Variants in SKI observed in about 807,000 individuals in gnomAD.
SKI encodes the protein SKI proto-oncogene.
Under a neutral mutation model 59.3 loss-of-function variants are expected in SKI, and 23 were observed. The observed-to-expected ratio is 0.39, with a 90% CI of 0.28 to 0.55. The LOEUF (loss-of-function observed/expected upper bound fraction) is 0.55, where lower values mean the gene tolerates loss of function less well. Ranked by LOEUF, SKI falls within the 20% of genes least tolerant of loss-of-function variation. The pLI is 0.67. For missense variants in SKI, 1,017 were observed against 1,038.9 expected (o/e 0.98, Z 0.29); for synonymous variants, 673 against 488.6 (o/e 1.38, Z -4.98).
At chr1:2,276,712 G>A (rs1639751250) in intron 1 of SKI, among the ~76,000 whole-genome samples, 1 of 152,246 alleles carries the variant, frequency 6.6e-6, no homozygotes, top group Non-Finnish European at 1.5e-5. Flanking sequence ...ACCAAGAGGG[G>A]TACAGTGGCC....
intron 1 of SKI, among the ~76,000 whole-genome samples, chr1:2,248,354 T>C (rs1569716070): frequency 6.6e-6 from 1 of 152,182 alleles, no homozygotes; most frequent in African/African-American, 2.4e-5. Context: ...GGACTCAGGG[T>C]GGGTTCTGAG....
intron 1 of SKI, among the ~76,000 whole-genome samples, chr1:2,242,460 C>T (rs906211673): frequency 3.3e-5 from 5 of 152,252 alleles, no homozygotes; most frequent in South Asian, 2.1e-4. Context: ...CTTCTGGCCC[C>T]GCAGGGGAGT....
intron 1 of SKI, among the ~76,000 whole-genome samples, chr1:2,287,523 AGACG>A (rs1640066126): frequency 6.6e-6 from 1 of 151,954 alleles, no homozygotes; most frequent in Admixed American, 6.6e-5. Context: ...TTTTTAGTAG[AGACG>A]GGGTTTCACT....
In SKI at chr1:2,300,154, G is replaced by A. The variant is rs560643678; in HGVS notation, c.970-2824G>A. Among the ~76,000 whole-genome samples the A allele has an allele frequency of 1.1e-4, 17 of 152,360 alleles. No individual in the cohort carries two copies. The South Asian group carries it at 3.3e-3, about 30-fold the overall frequency. On this transcript the variant is annotated intron_variant, in intron 1 of 6. Transcript: ENST00000378536. ...CGTTGCCCGGGTGCCTGCTGGCCAG[G>A]TAGCTTGCCTGGTCATCCTCGGGGT...
chr1:2,229,319 C>G lies in SKI; in HGVS notation c.553C>G (p.Leu185Val). 1.3e-6 allele frequency: 2 copies of G among 1,596,640 alleles called. No individual in the cohort carries two copies. Among genetic ancestry groups the G allele is most frequent in the Non-Finnish European group, 1.7e-6 (2 of 1,172,420 alleles). ...GLITKTDAER[L>V]CNALLYGGAY... ...CATCACCAAGACGGACGCCGAGCGC[C>G]TGTGCAACGCGCTGCTCTACGGCGG... The change falls in exon 1 of 7, where the codon CTG becomes GTG. Residue 185 changes from leucine to valine, a missense_variant. By Grantham distance (32) the Leu-to-Val change is conservative. Transcript: ENST00000378536. The surrounding 1 kb of genome is among the most constrained non-coding windows in gnomAD (Gnocchi z 6.3).
At chr1:2,251,700 T>G (rs1417698682) in intron 1 of SKI, among the ~76,000 whole-genome samples, 2 of 152,202 alleles carry the variant, frequency 1.3e-5, no homozygotes, top group African/African-American at 4.8e-5. Flanking sequence ...TGGAACCCAA[T>G]GTATGTGATA....
intron 1 of SKI, among the ~76,000 whole-genome samples, chr1:2,298,994 G>A (rs1640357494): frequency 6.6e-6 from 1 of 152,230 alleles, no homozygotes; most frequent in African/African-American, 2.4e-5. Context: ...TGAGCCCTGG[G>A]TGGGTGGATG....
Position 2,303,020 on chromosome 1 carries a change from G to A in SKI, c.1012G>A (p.Asp338Asn). ...GGCCTCCATAAGACCCAAAACAGAT[G>A]ACACCTCTTCCCAGTCCCCCGCGCC... ...PPASIRPKTD[D>N]TSSQSPAPSE... Residue 338 changes from aspartate to asparagine, a missense_variant, in exon 2 of 7, where the codon GAC becomes AAC. Coordinates refer to ENST00000378536, the MANE Select transcript of SKI (RefSeq NM_003036.4). This position sits in a 1 kb window ranked among gnomAD's most constrained non-coding sequence, Gnocchi z 5.6. 2.5e-6 allele frequency: 4 copies of A among 1,613,718 alleles called. No homozygotes were observed. Among genetic ancestry groups the A allele is most frequent in the Non-Finnish European group, 3.4e-6 (4 of 1,180,014 alleles).
At chr1:2,240,641 A>G in intron 1 of SKI, 9 of 985,456 alleles carry the variant, frequency 9.1e-6, no homozygotes, top group Non-Finnish European at 1.1e-5. Flanking sequence ...ATACAGCATT[A>G]ACAAGAAAAC....
At chr1:2,253,975 T>C (rs1639221043) in intron 1 of SKI, among the ~76,000 whole-genome samples, 3 of 152,264 alleles carry the variant, frequency 2.0e-5, no homozygotes, top group Admixed American at 1.3e-4. Flanking sequence ...TCCTTCTGGA[T>C]GCCCATCCTG....
Position 2,303,150 on chromosome 1 carries a change from C to T in SKI, c.1095+47C>T. 7 of 1,611,642 alleles carry T rather than the reference C, an allele frequency of 4.3e-6. No individual in the cohort carries two copies. The highest frequency in any genetic ancestry group is 1.1e-5 in the South Asian group (1 of 91,062). ...TCCTTGGGGTGGTGGGTACTGGGCC[C>T]TTCTCCTTGGGCAGACCCAGCGGCT... is the stretch of plus-strand genomic sequence containing the variant. On this transcript the variant is annotated intron_variant, in intron 2 of 6. Transcript: ENST00000378536. The surrounding 1 kb of genome is among the most constrained non-coding windows in gnomAD (Gnocchi z 5.6).
chr1:2,254,784 G>A (rs1181462029), intron 1 of SKI, among the ~76,000 whole-genome samples: 1 of 152,196 alleles, frequency 6.6e-6, no homozygotes, highest in Non-Finnish European at 1.5e-5. Flanking sequence ...AATAGCACGG[G>A]CCATTGGCAT....
chr1:2,258,340 G>A (rs1639316092), intron 1 of SKI, among the ~76,000 whole-genome samples: 1 of 152,118 alleles, frequency 6.6e-6, no homozygotes, highest in African/African-American at 2.4e-5. Context: ...TCTAGATGCC[G>A]AGGCCGAATC....
intron 1 of SKI, among the ~76,000 whole-genome samples, chr1:2,262,518 C>T (rs1458804330): frequency 4.7e-5 from 7 of 148,224 alleles, no homozygotes; most frequent in Non-Finnish European, 6.0e-5. Context: ...TGGACGCCCT[C>T]GCTCCTGATC....
At chr1:2,256,837 G>C (rs370984562) in intron 1 of SKI, among the ~76,000 whole-genome samples, 10 of 152,312 alleles carry the variant, frequency 6.6e-5, no homozygotes, top group Non-Finnish European at 2.9e-5. Flanking sequence ...CAGACACCTC[G>C]AGGCGGCTTG....
In SKI at chr1:2,261,978, G is replaced by A. The variant is rs260506; in HGVS notation, c.969+32243G>A. Among the ~76,000 whole-genome samples the A allele has an allele frequency of 6.9e-3, 892 of 129,946 alleles. 22 individuals carry two copies. The highest frequency in any genetic ancestry group is 0.026 in the African/African-American group (848 of 33,130). The allele number at this position is 129,946 out of a possible 152,430, so 85.2% of individuals were successfully genotyped here. A position where few individuals can be genotyped will look rare whatever the true frequency, so the allele number is the denominator to read the frequency against. On this transcript the variant is annotated intron_variant, in intron 1 of 6. Coordinates refer to ENST00000378536, the MANE Select transcript of SKI (RefSeq NM_003036.4). ...CTCCTGATCTCCTGGTCTGGAAGGC[G>A]TGGAATCAGAGTTTGGGTGGGAGTG...
intron 1 of SKI, among the ~76,000 whole-genome samples, chr1:2,286,190 T>C (rs1369767919): frequency 1.3e-5 from 2 of 152,198 alleles, no homozygotes; most frequent in Admixed American, 6.5e-5. Flanking sequence ...ATCTTTACCT[T>C]GTGTAATGCC....
At chr1:2,278,421 C>T (rs1346253869) in intron 1 of SKI, among the ~76,000 whole-genome samples, 2 of 152,234 alleles carry the variant, frequency 1.3e-5, no homozygotes, top group African/African-American at 2.4e-5. Flanking sequence ...CTGGAGACGA[C>T]TCTTGCTGGA....
intron 1 of SKI, among the ~76,000 whole-genome samples, chr1:2,275,590 T>C (rs988409602): frequency 1.3e-5 from 2 of 152,120 alleles, no homozygotes; most frequent in Admixed American, 6.5e-5. Context: ...CTCGGCTCAC[T>C]GCAAGCTCCG....
Sources: allele counts gnomAD v4.1 joint callset (sites outside exome capture counted in the v4.1 genomes callset), GRCh38; gene constraint gnomAD v4.1.1; non-coding constraint Gnocchi (gnomAD v3.1); transcripts MANE v1.5; gene names NCBI Gene and HGNC (gene_info 2026-07-23, HGNC 2026-07-21).